The following SBNO1 variants were observed in gnomAD, a reference collection of about 807,000 sequenced individuals.
SBNO1 encodes protein strawberry notch homolog 1.
Under a neutral mutation model 173.6 loss-of-function variants are expected in SBNO1, and 23 were observed. The ratio of observed to expected loss-of-function variants is 0.13; its 90% CI spans 0.10 to 0.19. The LOEUF is 0.19. Among genes scored for constraint, SBNO1 ranks in the 10% least tolerant of loss-of-function variants. The pLI is 1.00. For synonymous variants in SBNO1, 632 were observed against 571.5 expected (o/e 1.11, Z -1.51); for missense variants, 1,238 against 1,671.2 (o/e 0.74, Z 4.52).
Position 123,331,768 on chromosome 12 carries a change from C to T in SBNO1, c.910-393G>A, listed in dbSNP as rs567455112. On this transcript the variant is annotated intron_variant, in intron 7 of 31. Coordinates refer to ENST00000602398, the MANE Select transcript of SBNO1 (RefSeq NM_001167856.3). ...ATCTCCTGACCTCGTGATCCGCCCG[C>T]CTCAGCCTCCCAAAGTGCTGGGATT... Among the ~76,000 whole-genome samples, 18 of 152,290 alleles carry T rather than the reference C, an allele frequency of 1.2e-4. No individual in the cohort carries two copies. In the South Asian group the frequency reaches 2.5e-3, roughly 21 times the overall value.
chr12:123,311,271 G>A, intron 24 of SBNO1, 142 bp from the exon 25 acceptor site: 3 of 641,536 alleles, frequency 4.7e-6, no homozygotes, highest in Middle Eastern at 2.5e-4. Context: ...GAGAAAATGT[G>A]GAGAGAACTG....
intron 3 of SBNO1, among the ~76,000 whole-genome samples, chr12:123,347,664 G>C (rs1026950968): frequency 2.6e-5 from 4 of 152,058 alleles, no homozygotes; most frequent in African/African-American, 9.7e-5. Context: ...AAGTAGCTAT[G>C]ACTATAGGCG....
intron 1 of SBNO1, among the ~76,000 whole-genome samples, chr12:123,360,909 G>A (rs954446101): frequency 1.3e-5 from 2 of 151,972 alleles, no homozygotes; most frequent in Admixed American, 6.5e-5. Flanking sequence ...TCAGGAGATC[G>A]AGACCATCCT....
At chr12:123,310,772 ATC>A (rs1400068548) in intron 25 of SBNO1, among the ~76,000 whole-genome samples, 1 of 151,368 alleles carries the variant, frequency 6.6e-6, no homozygotes, top group East Asian at 1.9e-4. Flanking sequence ...TGACCTTGTG[ATC>A]TACCCACCTC....
Position 123,331,253 on chromosome 12 carries a change from T to C in SBNO1, c.1032A>G (p.Lys344=). 1 of 1,613,758 alleles carries C rather than the reference T, an allele frequency of 6.2e-7. No homozygotes were observed. The highest frequency in any genetic ancestry group is 8.5e-7 in the Non-Finnish European group (1 of 1,179,788). Residue 344 remains lysine (K), a synonymous_variant, in exon 8 of 32, where the codon AAA becomes AAG. Transcript: ENST00000602398. ...TTTTAAACACTTACCACAATGCTCG[T>C]TTTCTACTCAACAAATAATTTTCAT... ...IIYENYLLSR[K]RALWFSVSND...
chr12:123,339,737 A>G (rs936669042), intron 5 of SBNO1, among the ~76,000 whole-genome samples: 1 of 152,116 alleles, frequency 6.6e-6, no homozygotes, highest in Non-Finnish European at 1.5e-5. Flanking sequence ...CAGTGAGCCA[A>G]GATTGCACCA....
chr12:123,352,809 T>G (rs946976654), intron 1 of SBNO1, among the ~76,000 whole-genome samples: 2 of 151,484 alleles, frequency 1.3e-5, no homozygotes, highest in African/African-American at 4.9e-5. Context: ...CCAAAGGAGA[T>G]TTTTTGGAGA....
rs1406823871 is a variant in SBNO1 at position 123,337,895 on chromosome 12, T to A, written c.652-1404A>T. On this transcript the variant is annotated intron_variant, in intron 5 of 31. Coordinates refer to ENST00000602398, the MANE Select transcript of SBNO1 (RefSeq NM_001167856.3). Reference sequence around the variant, plus strand: ...CTTTATTCTCCTACCTATAGTTTTTTAAAATCATCATAAAATTGATGATAA... The same window carrying A: ...CTTTATTCTCCTACCTATAGTTTTTAAAAATCATCATAAAATTGATGATAA... Among the ~76,000 whole-genome samples, 4 of 152,204 alleles carry A rather than the reference T, an allele frequency of 2.6e-5. No homozygotes were observed. In the East Asian group the frequency reaches 5.8e-4, roughly 22 times the overall value.
At chr12:123,360,637 GT>G (rs1222726592) in intron 1 of SBNO1, among the ~76,000 whole-genome samples, 1 of 151,822 alleles carries the variant, frequency 6.6e-6, no homozygotes, top group Non-Finnish European at 1.5e-5. Context: ...GTAGACAGGG[GT>G]TTCATCGTGT....
chr12:123,330,595 CACTTAA>C, intron 8 of SBNO1, 86 bp from the exon 9 acceptor site: 1 of 497,040 alleles, frequency 2.0e-6, no homozygotes, highest in South Asian at 2.3e-5. Context: ...CAGGTCTTGA[CACTTAA>C]AAAAAAAAAA....
At position 123,321,628 on chromosome 12, in the gene SBNO1, C is replaced by T. The variant is rs866852232; in HGVS notation, c.2230G>A (p.Glu744Lys). 5 of 1,613,942 alleles carry T rather than the reference C, an allele frequency of 3.1e-6. No homozygotes were observed. The African/African-American group carries it at 6.7e-5, about 22-fold the overall frequency. Residue 744 changes from glutamate (E) to lysine (K), a missense_variant, in exon 17 of 32, where the codon GAA (glutamate) becomes AAA (lysine). Transcript: ENST00000602398. ...TTTTTAGAGCTCTCATAGTCACTTT[C>T]TTCATTATCAGAGGCATCAGATTCA... ...GSESDASDNE[E>K]SDYESSKNMS...
chr12:123,316,255 G>A (rs189363240), intron 21 of SBNO1, among the ~76,000 whole-genome samples: 2 of 152,088 alleles, frequency 1.3e-5, no homozygotes, highest in East Asian at 1.9e-4. Flanking sequence ...TTAGAGTTTC[G>A]CTCTTGTTGC....
chr12:123,361,405 A>G (rs1555253212), intron 1 of SBNO1, among the ~76,000 whole-genome samples: 1 of 147,094 alleles, frequency 6.8e-6, no homozygotes, highest in Non-Finnish European at 1.5e-5. Flanking sequence ...AAAGTTAACC[A>G]GACGTGGTGG....
chr12:123,292,974 A>G lies in SBNO1; in HGVS notation c.*2934T>C, dbSNP rs908139524. On this transcript the variant is annotated 3_prime_UTR_variant, in exon 32 of 32. Coordinates refer to ENST00000602398, the MANE Select transcript of SBNO1 (RefSeq NM_001167856.3). The stretch of plus-strand genomic sequence containing the variant: ...ATGGAGGTTGCTAAATGAGGGGAAC[A>G]CTAATTCCCCCAGAGATAACATCTG... 3.9e-5 allele frequency: 6 copies of G among 152,232 alleles called. No individual in the cohort carries two copies. The highest frequency in any genetic ancestry group is 1.4e-4 in the African/African-American group (6 of 41,460). The allele number at this position is 152,232 out of a possible 1,614,324, so 9.4% of individuals were successfully genotyped here. A position where few individuals can be genotyped will look rare whatever the true frequency, so the allele number is the denominator to read the frequency against.
intron 28 of SBNO1, among the ~76,000 whole-genome samples, chr12:123,307,037 A>AG (rs1411609719): frequency 2.0e-5 from 3 of 150,008 alleles, no homozygotes; most frequent in East Asian, 3.9e-4. Context: ...AAAAAAAAAA[A>AG]AAAAAGCCAA....
At position 123,315,462 on chromosome 12, in the gene SBNO1, T is replaced by A; in HGVS notation, c.3049-18A>T. ...AGTGCCCCCTGTTAAAAACAAAAAT[T>A]TCAATCAAGGCACAGGTAACCTTTT... On this transcript the variant is annotated intron_variant, in intron 22 of 31. Coordinates refer to ENST00000602398, the MANE Select transcript of SBNO1 (RefSeq NM_001167856.3). 1 of 1,607,978 alleles carries A rather than the reference T, an allele frequency of 6.2e-7. No individual in the cohort carries two copies. The highest frequency in any genetic ancestry group is 8.5e-7 in the Non-Finnish European group (1 of 1,174,508).
At chr12:123,330,295 T>C in intron 9 of SBNO1, 124 bp downstream of exon 9, 1 of 658,016 alleles carries the variant, frequency 1.5e-6, no homozygotes, top group Non-Finnish European at 2.7e-6. Flanking sequence ...CTCACTATGC[T>C]TTCTGTGGAG....
At chr12:123,296,085 C>T (rs776475720) in intron 31 of SBNO1, 35 bp from the exon 32 acceptor site, 2 of 1,371,306 alleles carry the variant, frequency 1.5e-6, no homozygotes, top group South Asian at 2.3e-5. Context: ...CAAGTTGTGT[C>T]CAGAAGAAAC....
intron 16 of SBNO1, among the ~76,000 whole-genome samples, chr12:123,322,881 CAA>C (rs869045259): frequency 6.7e-5 from 7 of 104,066 alleles, no homozygotes; most frequent in Admixed American, 2.1e-4. Flanking sequence ...GACCCTGTCT[CAA>C]AAAAAAAAAA....
Sources: gnomAD v4.1 joint callset for allele counts (sites outside exome capture counted in the v4.1 genomes callset) on GRCh38, gnomAD v4.1.1 for gene constraint, MANE v1.5 for transcripts, NCBI Gene and HGNC (gene_info 2026-07-23, HGNC 2026-07-21) for gene names.